Variants in CTNNA2 observed in about 807,000 individuals in gnomAD.
CTNNA2 encodes the protein catenin alpha 2.
A neutral mutation model predicts 101.0 loss-of-function variants in CTNNA2; 42 were observed. The ratio of observed to expected loss-of-function variants is 0.42; its 90% CI spans 0.32 to 0.54. The LOEUF is 0.54. CTNNA2 is among the 20% of genes least tolerant of loss of function. The pLI, the probability that CTNNA2 is intolerant of heterozygous loss-of-function variation, is 0.14. For synonymous variants in CTNNA2, 450 were observed against 456.4 expected, an observed-to-expected ratio of 0.99 and a Z score of 0.18; for missense variants, 871 against 1,223.1, an observed-to-expected ratio of 0.71 and a Z score of 4.29.
At chr2:80,128,004 T>G (rs2148889958) in intron 7 of CTNNA2, among the ~76,000 whole-genome samples, 1 of 152,200 alleles carries the variant, frequency 6.6e-6, no homozygotes, top group Non-Finnish European at 1.5e-5. Context: ...CAGGCGATTG[T>G]CATGGCTCAC....
Position 80,647,601 on chromosome 2 carries a change from C to G in CTNNA2, c.2591C>G (p.Ser864Trp). ...SDSSMLDSAT[S>W]LIQAAKNLMN... is the part of the protein sequence containing the mutation. ...CTACTCTAGCTGGACAGTGCCACAT[C>G]GCTTATCCAGGCAGCTAAAAACCTG... The change falls in exon 19 of 19, where the codon TCG (serine) becomes TGG (tryptophan). Residue 864 changes from serine (S) to tryptophan (W), a missense_variant. Physicochemically the swap from Ser to Trp is radical, Grantham distance 177. Transcript: ENST00000402739. The G allele has an allele frequency of 6.2e-7, 1 of 1,612,208 alleles. No individual in the cohort carries two copies. The highest frequency in any genetic ancestry group is 8.5e-7 in the Non-Finnish European group (1 of 1,178,790).
chr2:79,701,852 A>C (rs1685022511), intron 2 of CTNNA2, among the ~76,000 whole-genome samples: 1 of 151,940 alleles, frequency 6.6e-6, no homozygotes, highest in Non-Finnish European at 1.5e-5. Flanking sequence ...AAATACAAAA[A>C]TTGGCCAGGC....
chr2:79,841,084 A>T (rs919382518), intron 3 of CTNNA2, among the ~76,000 whole-genome samples: 4 of 152,094 alleles, frequency 2.6e-5, no homozygotes, highest in African/African-American at 9.7e-5. Context: ...TCCCTCTCTT[A>T]TGTATGTATC....
intron 7 of CTNNA2, among the ~76,000 whole-genome samples, chr2:79,910,453 A>G (rs1685709428): frequency 6.6e-6 from 1 of 152,202 alleles, no homozygotes; most frequent in African/African-American, 2.4e-5. Flanking sequence ...GTAACCTGCA[A>G]GAAGGTGATG....
chr2:80,365,535 G>T (rs1559047434), intron 7 of CTNNA2, among the ~76,000 whole-genome samples: 1 of 148,752 alleles, frequency 6.7e-6, no homozygotes, highest in Admixed American at 6.7e-5. Flanking sequence ...CAAAAACACT[G>T]TCTTTTGCCT....
chr2:79,762,808 CT>C (rs1479818438), intron 3 of CTNNA2, among the ~76,000 whole-genome samples: 1 of 152,138 alleles, frequency 6.6e-6, no homozygotes, highest in Admixed American at 6.5e-5. Context: ...ATGATAATGA[CT>C]TTAAATTTAG....
chr2:79,935,367 A>C lies in CTNNA2; in HGVS notation c.1056+25570A>C, dbSNP rs568868215. 8.8e-5 allele frequency among the ~76,000 whole-genome samples: 13 copies of C among 148,020 alleles called. No individual in the cohort carries two copies. The East Asian group carries it at 1.2e-3, about 13-fold the overall frequency. On this transcript the variant is annotated intron_variant, in intron 7 of 18. Transcript: ENST00000402739. ...CTCTCTCTCTCTTTTTTTTTTTTTA[A>C]CTTTTTATTTGGAAATAATTTTAAA...
intron 1 of CTNNA2, among the ~76,000 whole-genome samples, chr2:79,611,812 A>G (rs1014469323): frequency 4.6e-5 from 7 of 152,108 alleles, no homozygotes; most frequent in African/African-American, 1.7e-4. Context: ...TTTTTGCTTG[A>G]ATTATACAAA....
intron 7 of CTNNA2, among the ~76,000 whole-genome samples, chr2:79,940,849 A>C (rs1285041849): frequency 2.6e-5 from 4 of 152,232 alleles, no homozygotes; most frequent in Non-Finnish European, 5.9e-5. Flanking sequence ...TATCGCATGA[A>C]AAGAGAAACA....
intron 18 of CTNNA2, among the ~76,000 whole-genome samples, chr2:80,629,536 A>C (rs534537760): frequency 6.6e-6 from 1 of 152,166 alleles, no homozygotes; most frequent in Non-Finnish European, 1.5e-5. Flanking sequence ...TTTTAAAAAA[A>C]CACTGGTCTA....
chr2:79,495,348 G>C (rs1388553244), intron 4 of CTNNA2, among the ~76,000 whole-genome samples: 2 of 152,076 alleles, frequency 1.3e-5, no homozygotes, highest in Admixed American at 1.3e-4. Context: ...ATATACAAAT[G>C]GCAAATAAGC....
At chr2:80,036,605 A>C (rs1397405205) in intron 7 of CTNNA2, among the ~76,000 whole-genome samples, 1 of 152,068 alleles carries the variant, frequency 6.6e-6, no homozygotes, top group Non-Finnish European at 1.5e-5. Context: ...ACCCTGTCTT[A>C]GTGAAAAAAA....
intron 7 of CTNNA2, among the ~76,000 whole-genome samples, chr2:79,985,956 A>G (rs1691730382): frequency 6.6e-6 from 1 of 152,100 alleles, no homozygotes; most frequent in Admixed American, 6.5e-5. Context: ...CCCAGGCAAC[A>G]ACAGGAATAG....
At chr2:79,769,270 C>G (rs570777525) in intron 3 of CTNNA2, among the ~76,000 whole-genome samples, 5 of 152,212 alleles carry the variant, frequency 3.3e-5, no homozygotes, top group African/African-American at 1.2e-4. Flanking sequence ...TCGTGTTGCT[C>G]TGTTAGCAGG....
intron 8 of CTNNA2, among the ~76,000 whole-genome samples, chr2:80,419,049 G>A (rs1360178437): frequency 6.6e-6 from 1 of 152,122 alleles, no homozygotes; most frequent in Non-Finnish European, 1.5e-5. Context: ...TGGCTTCAAA[G>A]TTTAGATCTT....
chr2:80,529,830 A>C (rs1478429352), intron 9 of CTNNA2, among the ~76,000 whole-genome samples: 1 of 152,192 alleles, frequency 6.6e-6, no homozygotes, highest in Non-Finnish European at 1.5e-5. Flanking sequence ...AGACTGATTC[A>C]GCGAGGGGGG....
At chr2:79,189,406 A>G (rs966724815) in intron 1 of CTNNA2, among the ~76,000 whole-genome samples, 11 of 152,216 alleles carry the variant, frequency 7.2e-5, no homozygotes, top group African/African-American at 2.6e-4. Context: ...TGGTCTTACC[A>G]TATTATTTCC....
At chr2:80,324,226 T>G (rs1236294956) in intron 7 of CTNNA2, among the ~76,000 whole-genome samples, 2 of 152,106 alleles carry the variant, frequency 1.3e-5, no homozygotes, top group Non-Finnish European at 2.9e-5. Context: ...CTCTCCAAAG[T>G]TAGGTGATTT....
At chr2:79,305,487 T>C (rs1676218880) in intron 2 of CTNNA2, among the ~76,000 whole-genome samples, 1 of 151,258 alleles carries the variant, frequency 6.6e-6, no homozygotes, top group South Asian at 2.1e-4. Context: ...GTGCATGGTA[T>C]GGTATCTTTT....
Sources: allele counts gnomAD v4.1 joint callset (sites outside exome capture counted in the v4.1 genomes callset), GRCh38; gene constraint gnomAD v4.1.1; transcripts MANE v1.5; gene names NCBI Gene and HGNC (gene_info 2026-07-23, HGNC 2026-07-21).